The following SAMSN1 variants were observed in gnomAD, a reference collection of about 807,000 sequenced individuals.
SAMSN1 encodes SAM domain-containing protein SAMSN-1.
SAMSN1 carries 31 observed loss-of-function variants against 42.0 expected under a neutral mutation model. That is an observed-to-expected ratio of 0.74 (90% CI 0.55 to 1.00). The LOEUF (loss-of-function observed/expected upper bound fraction) is 1.00. SAMSN1 is among the 50% of genes least tolerant of loss of function. SAMSN1 has a pLI of 0.00. For synonymous variants in SAMSN1, 178 were observed against 151.9 expected, an observed-to-expected ratio of 1.17 and a Z score of -1.26; for missense variants, 464 against 439.4, an observed-to-expected ratio of 1.06 and a Z score of -0.50.
intron 5 of SAMSN1, among the ~76,000 whole-genome samples, chr21:14,603,080 G>T (rs1258313495): frequency 6.6e-6 from 1 of 152,056 alleles, no homozygotes; most frequent in Non-Finnish European, 1.5e-5. Flanking sequence ...CTGATTTTTT[G>T]ATCTGGTTCT....
At chr21:14,576,439 C>T (rs889188606) in intron 2 of SAMSN1, among the ~76,000 whole-genome samples, 5 of 152,138 alleles carry the variant, frequency 3.3e-5, no homozygotes, top group South Asian at 2.1e-4. Flanking sequence ...GTCTGTCTCC[C>T]AGAGACCTCT....
At chr21:14,594,470 C>G (rs1388264946) in intron 6 of SAMSN1, among the ~76,000 whole-genome samples, 1 of 152,138 alleles carries the variant, frequency 6.6e-6, no homozygotes, top group African/African-American at 2.4e-5. Context: ...GCAGCCCACT[C>G]TAATCCCTTA....
At chr21:14,498,686 G>A (rs1001861588) in intron 6 of SAMSN1, 94 bp from the exon 7 acceptor site, 24 of 952,996 alleles carry the variant, frequency 2.5e-5, no homozygotes, top group African/African-American at 3.4e-5. Flanking sequence ...GATGCACATG[G>A]GGACCAAAGG....
rs1204218406 is a variant in SAMSN1, at chr21:14,577,057, T to TTTTC, written c.261+5078_261+5079insGAAA. On this transcript the variant is annotated intron_variant, in intron 2 of 8. Coordinates refer to the SAMSN1 transcript ENST00000285670. ...TAGATTGCATCCGTTTCTTTTTTTT[T>TTTTC]TTTTTTTTTTTTTTTTGAGACGGAA... 8.2e-4 allele frequency among the ~76,000 whole-genome samples: 101 copies of TTTTC among 123,672 alleles called. 3 individuals carry two copies. The highest frequency in any genetic ancestry group is 3.1e-3 in the African/African-American group (91 of 29,554). 81.1% of individuals were successfully genotyped at this position (123,672 alleles called of 152,430 possible). A position where few individuals can be genotyped will look rare whatever the true frequency, so the allele number is the denominator to read the frequency against.
chr21:14,635,751 C>T (rs1983451836), intron 2 of SAMSN1, among the ~76,000 whole-genome samples: 1 of 149,168 alleles, frequency 6.7e-6, no homozygotes, highest in African/African-American at 2.5e-5. Flanking sequence ...TGATCATTAA[C>T]ATGCACCATG....
Position 14,517,014 on chromosome 21 carries a change from T to C in SAMSN1, c.157A>G (p.Ser53Gly), listed in dbSNP as rs764912760. The change falls in exon 3 of 8, where the codon AGT becomes GGT. Residue 53 changes from serine (S) to glycine (G), a missense_variant. By Grantham distance (56) the Ser-to-Gly change is moderately conservative. Coordinates refer to ENST00000400566, the MANE Select transcript of SAMSN1 (RefSeq NM_022136.5). ...EAHEGDPTNG[S>G]GEQSKTSNNG... ...TTTGAAGTTTTACTTTGTTCTCCAC[T>C]TCCATTTGTGGGATCTCCTTCATGT... 14 of 1,612,976 alleles carry C rather than the reference T, an allele frequency of 8.7e-6. No individual in the cohort carries two copies. In the Admixed American group the frequency reaches 1.8e-4, roughly 21 times the overall value.
intron 1 of SAMSN1, among the ~76,000 whole-genome samples, chr21:14,645,299 T>C (rs760237713): frequency 2.2e-4 from 34 of 152,188 alleles, no homozygotes; most frequent in African/African-American, 7.7e-4. Flanking sequence ...CTTCCAGCTT[T>C]CAGTAACTCA....
chr21:14,535,209 C>A (rs1568794089), intron 1 of SAMSN1, among the ~76,000 whole-genome samples: 1 of 152,100 alleles, frequency 6.6e-6, no homozygotes, highest in Admixed American at 6.5e-5. Flanking sequence ...ATGATTTTTG[C>A]TATTATTTTT....
At chr21:14,548,947 A>C (rs1478305418), upstream of SAMSN1, among the ~76,000 whole-genome samples, 1 of 152,190 alleles carries the variant, frequency 6.6e-6, no homozygotes, top group Non-Finnish European at 1.5e-5. Context: ...ATTCTGAAAT[A>C]GGGAAATTGC....
intron 2 of SAMSN1, among the ~76,000 whole-genome samples, chr21:14,623,823 A>T (rs1453291827): frequency 2.0e-5 from 3 of 152,314 alleles, no homozygotes; most frequent in Middle Eastern, 3.4e-3. Flanking sequence ...CAGAATATAC[A>T]TTCTTTTCAG....
At chr21:14,604,197 A>C (rs1181200796) in intron 5 of SAMSN1, among the ~76,000 whole-genome samples, 5 of 152,236 alleles carry the variant, frequency 3.3e-5, no homozygotes, top group Non-Finnish European at 7.3e-5. Context: ...CCTAAGTAGC[A>C]GCAAAGGCAG....
intron 2 of SAMSN1, among the ~76,000 whole-genome samples, chr21:14,617,842 A>G (rs773923358): frequency 1.3e-5 from 2 of 152,234 alleles, no homozygotes; most frequent in African/African-American, 4.8e-5. Context: ...TTTATATGCA[A>G]TCGAGCAAGA....
At chr21:14,528,728 T>C (rs1979043187) in intron 1 of SAMSN1, among the ~76,000 whole-genome samples, 1 of 152,206 alleles carries the variant, frequency 6.6e-6, no homozygotes, top group Non-Finnish European at 1.5e-5. Context: ...CCTGAACCAA[T>C]GCAACAACTT....
At position 14,614,807 on chromosome 21, in the gene SAMSN1, G is replaced by A. The variant is rs140854762; in HGVS notation, c.197+1169C>T. On this transcript the variant is annotated intron_variant, in intron 3 of 15. Transcript: ENST00000647101. ...TAACATGAGACATCATTTCCATCAG[G>A]AGAGTGGTAGGCCAAAAAAAAGAAA... Among the ~76,000 whole-genome samples, 773 of 152,106 alleles carry A rather than the reference G, an allele frequency of 5.1e-3. 3 individuals are homozygous for A. The highest frequency in any genetic ancestry group is 0.016 in the African/African-American group (683 of 41,468).
At chr21:14,586,326 C>A (rs1981918535), upstream of SAMSN1, among the ~76,000 whole-genome samples, 1 of 145,852 alleles carries the variant, frequency 6.9e-6, no homozygotes, top group Non-Finnish European at 1.5e-5. Context: ...CAAATAATAA[C>A]CCTATTTATC....
chr21:14,593,940 T>C (rs1395238699), intron 7 of SAMSN1: 5 of 706,568 alleles, frequency 7.1e-6, no homozygotes, highest in Non-Finnish European at 1.3e-5. Context: ...AAACAGTGCT[T>C]GTGGCATTAA....
chr21:14,652,874 A>G (rs1327369774), intron 1 of SAMSN1, among the ~76,000 whole-genome samples: 1 of 152,094 alleles, frequency 6.6e-6, no homozygotes, highest in Non-Finnish European at 1.5e-5. Flanking sequence ...AATGGGCAAA[A>G]GAATTTGAAT....
chr21:14,512,373 A>T (rs1987723062), intron 4 of SAMSN1, 71 bp downstream of exon 4: 1 of 1,533,732 alleles, frequency 6.5e-7, no homozygotes, highest in Non-Finnish European at 9.0e-7. Context: ...GGCTGATTTA[A>T]CTTGTTGTTT....
intron 7 of SAMSN1, chr21:14,592,152 C>G (rs1053339929): frequency 2.6e-5 from 4 of 152,122 alleles, no homozygotes; most frequent in Non-Finnish European, 1.5e-5. Flanking sequence ...TTACTTCCTG[C>G]GTAATATCCT....
Sources: allele counts gnomAD v4.1 joint callset (sites outside exome capture counted in the v4.1 genomes callset), GRCh38; gene constraint gnomAD v4.1.1; transcripts MANE v1.5; gene names NCBI Gene and HGNC (gene_info 2026-07-23, HGNC 2026-07-21).